Variants in AFAP1 observed in about 807,000 individuals in gnomAD.
AFAP1 encodes actin filament associated protein 1, also known as actin filament-associated protein 1.
Under a neutral mutation model 93.9 loss-of-function variants are expected in AFAP1, and 75 were observed. That is an observed-to-expected ratio of 0.80 (90% confidence interval 0.66 to 0.97). The LOEUF (loss-of-function observed/expected upper bound fraction) is 0.97. Among genes scored for constraint, AFAP1 ranks in the 50% least tolerant of loss-of-function variants. The probability of loss-of-function intolerance (pLI) is 0.00; values close to 1 mark genes in which losing one functional copy is unlikely to be tolerated. For missense variants in AFAP1, 1,201 were observed against 1,050.8 expected (o/e 1.14, Z -1.98); for synonymous variants, 517 against 430.7 (o/e 1.20, Z -2.48).
chr4:7,870,959 AG>A (rs1716971482), intron 2 of AFAP1, among the ~76,000 whole-genome samples: 1 of 152,200 alleles, frequency 6.6e-6, no homozygotes, highest in Non-Finnish European at 1.5e-5. Context: ...GAGGTTTAAA[AG>A]AAAAATCCTC....
At chr4:7,853,072 C>T (rs1162872643) in intron 4 of AFAP1, among the ~76,000 whole-genome samples, 1 of 152,142 alleles carries the variant, frequency 6.6e-6, no homozygotes, top group African/African-American at 2.4e-5. Flanking sequence ...TGCATGGGTG[C>T]CAAGGTGACC....
At chr4:7,934,187 T>C (rs1286420620) in intron 1 of AFAP1, among the ~76,000 whole-genome samples, 1 of 152,222 alleles carries the variant, frequency 6.6e-6, no homozygotes, top group African/African-American at 2.4e-5. Flanking sequence ...TTGCCTTTCC[T>C]TTCACTTAGA....
At chr4:7,864,914 G>T (rs760226222) in intron 3 of AFAP1, among the ~76,000 whole-genome samples, 4 of 151,966 alleles carry the variant, frequency 2.6e-5, no homozygotes, top group Non-Finnish European at 5.9e-5. Flanking sequence ...GGAGTTCAAG[G>T]CTGCAGTGAG....
rs528832282 is a variant in AFAP1, at chr4:7,781,505, A to G, written c.1653T>C (p.Pro551=). The part of the protein sequence containing the change: ...PPPHIFARYS[P]ADRKASRLSA... ...ACAGCCTAGAGGCCTTTCTGTCAGC[A>G]GGAGAGTAGCGGGCAAAGATGTGCG... is the stretch of plus-strand genomic sequence containing the variant. The change falls in exon 13 of 18, where the codon CCT becomes CCC. Residue 551 remains proline, a synonymous_variant. Transcript: ENST00000420658. 9.7e-6 allele frequency: 15 copies of G among 1,552,284 alleles called. No homozygotes were observed. The highest frequency in any genetic ancestry group is 1.2e-5 in the Non-Finnish European group (14 of 1,147,132).
rs1332333322 is a variant in AFAP1, at chr4:7,762,474, A to C, written c.*1291T>G. 2.6e-5 allele frequency: 4 copies of C among 152,224 alleles called. No homozygotes were observed. Among genetic ancestry groups the C allele is most frequent in the African/African-American group, 9.6e-5 (4 of 41,458 alleles). The allele number at this position is 152,224 out of a possible 1,614,324, so 9.4% of individuals were successfully genotyped here. A position where few individuals can be genotyped will look rare whatever the true frequency, so the allele number is the denominator to read the frequency against. On this transcript the variant is annotated 3_prime_UTR_variant, in exon 18 of 18. Transcript: ENST00000420658. ...TGACTGCATCTTCCCGTACTGGAGA[A>C]TTCCTGACAGCAGCCTCCGGGAGAC...
intron 1 of AFAP1, among the ~76,000 whole-genome samples, chr4:7,919,764 C>A (rs1212588180): frequency 1.3e-5 from 2 of 152,120 alleles, no homozygotes; most frequent in Non-Finnish European, 2.9e-5. Context: ...AGCCAGCATG[C>A]ATTAGCTGTT....
In AFAP1 at chr4:7,798,292, C is replaced by T. The variant is rs1199569219; in HGVS notation, c.1266+2150G>A. ...CACTGCAACTCTACTGGCTGGCTCA[C>T]GGCATTGCAACCCTATTGGCTGGCT... is the stretch of plus-strand genomic sequence containing the variant. On this transcript the variant is annotated intron_variant, in intron 10 of 17. Coordinates refer to ENST00000420658, the MANE Select transcript of AFAP1 (RefSeq NM_001134647.2). Among the ~76,000 whole-genome samples the T allele has an allele frequency of 4.1e-5, 6 of 146,466 alleles. 1 individual carries two copies. Among genetic ancestry groups the T allele is most frequent in the African/African-American group, 7.6e-5 (3 of 39,446 alleles).
Position 7,779,221 on chromosome 4 carries a change from TC to T in AFAP1, c.1783-346del, listed in dbSNP as rs1328492704. The T allele has an allele frequency of 2.7e-5, 6 of 225,006 alleles. No individual in the cohort carries two copies. The East Asian group carries it at 7.6e-4, about 28-fold the overall frequency. The allele number at this position is 225,006 out of a possible 1,614,324, so 13.9% of individuals were successfully genotyped here. ...TCAGATGAGAGGAGTAGTTTGTGTTTCTGAGGATAAGCAGCTTTTATTTCAG... is the reference window on the plus strand; with the variant it reads ...TCAGATGAGAGGAGTAGTTTGTGTTTTGAGGATAAGCAGCTTTTATTTCAG... On this transcript the variant is annotated intron_variant, in intron 13 of 17. Coordinates refer to ENST00000420658, the MANE Select transcript of AFAP1 (RefSeq NM_001134647.2).
At chr4:7,800,004 T>C (rs191992625) in intron 10 of AFAP1, among the ~76,000 whole-genome samples, 3 of 152,270 alleles carry the variant, frequency 2.0e-5, no homozygotes, top group African/African-American at 7.2e-5. Context: ...TGTAAAGAAG[T>C]CCAGAACATT....
At chr4:7,809,181 G>C (rs1005074846) in intron 9 of AFAP1, among the ~76,000 whole-genome samples, 13 of 151,658 alleles carry the variant, frequency 8.6e-5, no homozygotes, top group African/African-American at 3.2e-4. Context: ...TTTAGCATTA[G>C]GTATATCTCC....
At chr4:7,917,064 T>C (rs1720121612) in intron 1 of AFAP1, among the ~76,000 whole-genome samples, 2 of 152,256 alleles carry the variant, frequency 1.3e-5, no homozygotes, top group South Asian at 4.1e-4. Context: ...TTCTCTCTAC[T>C]GCAATTCTAT....
chr4:7,821,884 G>T (rs1013824613), intron 6 of AFAP1, among the ~76,000 whole-genome samples: 1 of 152,186 alleles, frequency 6.6e-6, no homozygotes. Context: ...GTCCACAGTT[G>T]AGACTACAAA....
At chr4:7,848,929 C>G (rs568930547) in intron 4 of AFAP1, among the ~76,000 whole-genome samples, 1 of 152,296 alleles carries the variant, frequency 6.6e-6, no homozygotes, top group South Asian at 2.1e-4. Flanking sequence ...ATAAAAGCAA[C>G]GGCAATACCA....
intron 6 of AFAP1, among the ~76,000 whole-genome samples, chr4:7,836,394 C>G (rs1192780244): frequency 6.6e-6 from 1 of 152,230 alleles, no homozygotes; most frequent in East Asian, 1.9e-4. Flanking sequence ...AGGTAAGTGG[C>G]TGCCTAAGAA....
chr4:7,844,206 C>G (rs1220406808), intron 4 of AFAP1, among the ~76,000 whole-genome samples: 1 of 151,972 alleles, frequency 6.6e-6, no homozygotes, highest in African/African-American at 2.4e-5. Flanking sequence ...AGAGATAGGA[C>G]TTTTAGGAGG....
intron 14 of AFAP1, chr4:7,776,792 T>C (rs775244200): frequency 5.9e-5 from 9 of 152,202 alleles, no homozygotes; most frequent in Non-Finnish European, 1.3e-4. Flanking sequence ...GTTAACAACA[T>C]ATTTGGCAAA....
intron 1 of AFAP1, among the ~76,000 whole-genome samples, chr4:7,904,712 T>C (rs1276580683): frequency 6.6e-6 from 1 of 152,032 alleles, no homozygotes; most frequent in Non-Finnish European, 1.5e-5. Context: ...GTTTGTTTGT[T>C]TGTTTGTTTT....
intron 1 of AFAP1, among the ~76,000 whole-genome samples, chr4:7,893,271 C>A (rs559095885): frequency 1.3e-5 from 2 of 152,316 alleles, no homozygotes; most frequent in Admixed American, 1.3e-4. Flanking sequence ...AGTTACATTA[C>A]ACTTTTAACG....
chr4:7,806,373 A>C (rs1286848273), intron 9 of AFAP1, among the ~76,000 whole-genome samples: 2 of 151,236 alleles, frequency 1.3e-5, no homozygotes, highest in Non-Finnish European at 2.9e-5. Flanking sequence ...CCCCACAAAC[A>C]AGGCCCTCAC....
Sources: gnomAD v4.1 joint callset for allele counts (sites outside exome capture counted in the v4.1 genomes callset) on GRCh38, gnomAD v4.1.1 for gene constraint, MANE v1.5 for transcripts, NCBI Gene and HGNC (gene_info 2026-07-23, HGNC 2026-07-21) for gene names.